ZNF618: variants seen among roughly 807,000 people sequenced by gnomAD.
ZNF618 encodes the protein zinc finger protein 618.
ZNF618 carries 34 observed loss-of-function variants against 103.0 expected under a neutral mutation model. That is an observed-to-expected ratio of 0.33 (90% CI 0.25 to 0.44). The LOEUF (loss-of-function observed/expected upper bound fraction) is 0.44, where lower values mean the gene tolerates loss of function less well. Ranked by LOEUF, ZNF618 falls within the 20% of genes least tolerant of loss-of-function variation. The probability of loss-of-function intolerance (pLI) is 1.00; values close to 1 mark genes in which losing one functional copy is unlikely to be tolerated. For missense variants in ZNF618, 1,059 were observed against 1,295.4 expected (o/e 0.82, Z 2.80); for synonymous variants, 551 against 542.2 (o/e 1.02, Z -0.23).
intron 1 of ZNF618, among the ~76,000 whole-genome samples, chr9:113,938,176 T>G (rs1159382506): frequency 1.4e-5 from 2 of 144,064 alleles, no homozygotes; most frequent in Non-Finnish European, 3.0e-5. Context: ...TTTTTTTTTT[T>G]TTTTTTTTTT....
At chr9:113,936,517 T>G (rs1449179418) in intron 1 of ZNF618, among the ~76,000 whole-genome samples, 2 of 152,236 alleles carry the variant, frequency 1.3e-5, no homozygotes, top group Non-Finnish European at 2.9e-5. Context: ...GTGGGGACCT[T>G]CTGCCATGAG....
At chr9:114,007,896 G>C (rs1841894851) in intron 7 of ZNF618, among the ~76,000 whole-genome samples, 2 of 152,186 alleles carry the variant, frequency 1.3e-5, no homozygotes, top group South Asian at 4.1e-4. Context: ...AAGGGCCTTA[G>C]GGGTTCCCCG....
intron 1 of ZNF618, among the ~76,000 whole-genome samples, chr9:113,928,210 A>G (rs1833269046): frequency 6.6e-6 from 1 of 152,188 alleles, no homozygotes; most frequent in Non-Finnish European, 1.5e-5. Context: ...TGAGCTCATT[A>G]AAGGCATTCT....
At chr9:113,975,479 C>T (rs533205492) in intron 2 of ZNF618, among the ~76,000 whole-genome samples, 84 of 152,306 alleles carry the variant, frequency 5.5e-4, no homozygotes, top group African/African-American at 1.6e-3. Context: ...CCCTAAACAA[C>T]GCAATTTCCT....
intron 1 of ZNF618, among the ~76,000 whole-genome samples, chr9:113,907,409 G>GT (rs200024907): frequency 0.011 from 1,721 of 152,332 alleles, 45 homozygotes; most frequent in African/African-American, 0.039. Context: ...GCCCTGGTGA[G>GT]TTTTTTCCTC....
chr9:113,920,536 G>A (rs1832544867), intron 1 of ZNF618, among the ~76,000 whole-genome samples: 1 of 151,902 alleles, frequency 6.6e-6, no homozygotes, highest in Non-Finnish European at 1.5e-5. Flanking sequence ...CACGTAGCTG[G>A]GATTACAGGC....
Position 114,049,139 on chromosome 9 carries a change from A to G in ZNF618, c.1837A>G (p.Thr613Ala). 6.2e-7 allele frequency: 1 copy of G among 1,613,848 alleles called. No homozygotes were observed. Among genetic ancestry groups the G allele is most frequent in the Non-Finnish European group, 8.5e-7 (1 of 1,179,896 alleles). Reference protein sequence around the residue: ...LSEFVMSEIRTVYVTDCRVST... With the variant: ...LSEFVMSEIRAVYVTDCRVST... ...GGAGTTCGTGATGTCGGAGATCAGG[A>G]CAGTGTACGTGACGGATTGCCGGGT... is the stretch of plus-strand genomic sequence containing the variant. The change falls in exon 15 of 15, where the codon ACA (threonine) becomes GCA (alanine). Residue 613 changes from threonine to alanine, a missense_variant. By Grantham distance (58) the Thr-to-Ala change is moderately conservative. Coordinates refer to ENST00000374126, the MANE Select transcript of ZNF618 (RefSeq NM_001318042.2).
chr9:113,982,588 G>T (rs545563817), intron 2 of ZNF618, among the ~76,000 whole-genome samples: 4 of 152,296 alleles, frequency 2.6e-5, no homozygotes, highest in Admixed American at 1.3e-4. Context: ...CATATGCACA[G>T]AATCAGGAGA....
chr9:114,024,307 C>T (rs1843310482), intron 10 of ZNF618, among the ~76,000 whole-genome samples: 1 of 152,068 alleles, frequency 6.6e-6, no homozygotes, highest in African/African-American at 2.4e-5. Context: ...TATTTCTCTT[C>T]ATTATTTTTC....
At chr9:113,989,792 C>T (rs1839854161) in intron 3 of ZNF618, among the ~76,000 whole-genome samples, 1 of 152,254 alleles carries the variant, frequency 6.6e-6, no homozygotes, top group East Asian at 1.9e-4. Flanking sequence ...ACTCCCTTTG[C>T]CAGCTGTTCC....
rs1275048022 is a variant in ZNF618, at chr9:114,055,349, G to C, written c.*5182G>C. The C allele has an allele frequency of 1.3e-5, 2 of 152,706 alleles. No homozygotes were observed. The highest frequency in any genetic ancestry group is 2.9e-5 in the Non-Finnish European group (2 of 68,104). The allele number at this position is 152,706 out of a possible 1,614,324, so 9.5% of individuals were successfully genotyped here. The stretch of plus-strand genomic sequence containing the variant: ...CGGGGCTGGGCCTCGCCAGCCAGGA[G>C]AGAGCGAGGGCCGCACGGCAGGGCT... On this transcript the variant is annotated 3_prime_UTR_variant, in exon 15 of 15. Transcript: ENST00000374126.
chr9:113,992,738 C>A (rs1840193144), intron 3 of ZNF618, among the ~76,000 whole-genome samples: 1 of 152,222 alleles, frequency 6.6e-6, no homozygotes, highest in African/African-American at 2.4e-5. Flanking sequence ...AAACAATGTT[C>A]CCAGTGACAC....
chr9:113,945,473 A>G (rs1834932683), intron 1 of ZNF618, among the ~76,000 whole-genome samples: 1 of 152,242 alleles, frequency 6.6e-6, no homozygotes. Context: ...TACAGGGGCC[A>G]TGACTGCTTT....
intron 1 of ZNF618, among the ~76,000 whole-genome samples, chr9:113,947,096 T>C (rs1279532879): frequency 1.3e-5 from 2 of 152,174 alleles, no homozygotes; most frequent in Non-Finnish European, 2.9e-5. Flanking sequence ...AGTCATGAGC[T>C]TGCGGAGCCT....
chr9:113,950,912 G>A (rs1372017323), intron 1 of ZNF618, among the ~76,000 whole-genome samples: 1 of 151,538 alleles, frequency 6.6e-6, no homozygotes, highest in Admixed American at 6.6e-5. Flanking sequence ...GGTGTGGCCG[G>A]ACTGTCTACT....
rs562260483 is a variant in ZNF618, at chr9:113,998,468, G to A, written c.433+114G>A. The A allele has an allele frequency of 2.2e-4, 197 of 893,814 alleles. No individual in the cohort carries two copies. In the African/African-American group the frequency reaches 2.5e-3, roughly 12 times the overall value. 55.4% of individuals were successfully genotyped at this position (893,814 alleles called of 1,614,324 possible). ...AAGCAGGCCCCTGTTAGCATCTCAG[G>A]GTCAAGAGGGGCCACCTTCTTCATC... On this transcript the variant is annotated intron_variant, in intron 4 of 14. Coordinates refer to ENST00000374126, the MANE Select transcript of ZNF618 (RefSeq NM_001318042.2).
At chr9:113,988,640 C>A in intron 3 of ZNF618, 60 bp downstream of exon 3, 3 of 1,531,554 alleles carry the variant, frequency 2.0e-6, no homozygotes, top group East Asian at 2.3e-5. Context: ...GAGTCAGAGT[C>A]CTGGGGAAAA....
At chr9:114,047,670 C>T (rs181595913) in intron 13 of ZNF618, among the ~76,000 whole-genome samples, 13 of 152,248 alleles carry the variant, frequency 8.5e-5, no homozygotes, top group African/African-American at 2.9e-4. Flanking sequence ...TTAGTCTTAC[C>T]AGCAATAGTG....
intron 1 of ZNF618, among the ~76,000 whole-genome samples, chr9:113,918,009 G>A (rs937407160): frequency 6.6e-6 from 1 of 152,178 alleles, no homozygotes; most frequent in East Asian, 1.9e-4. Flanking sequence ...GAGCCGATCC[G>A]GGATCCCACA....
Sources: gnomAD v4.1 joint callset for allele counts (sites outside exome capture counted in the v4.1 genomes callset) on GRCh38, gnomAD v4.1.1 for gene constraint, MANE v1.5 for transcripts, NCBI Gene and HGNC (gene_info 2026-07-23, HGNC 2026-07-21) for gene names.